DLG2: variants seen among roughly 807,000 people sequenced by gnomAD.
The protein encoded by DLG2 is discs large MAGUK scaffold protein 2.
A neutral mutation model predicts 132.5 loss-of-function variants in DLG2; 45 were observed. The observed-to-expected ratio is 0.34, with a 90% CI of 0.27 to 0.44. The LOEUF is 0.44. Among genes scored for constraint, DLG2 ranks in the 20% least tolerant of loss-of-function variants. The pLI, the probability that DLG2 is intolerant of heterozygous loss-of-function variation, is 1.00. For missense variants in DLG2, 1,045 were observed against 1,196.9 expected (o/e 0.87, Z 1.87); for synonymous variants, 424 against 419.6 (o/e 1.01, Z -0.13).
At chr11:83,569,989 A>C (rs2096771695) in intron 19 of DLG2, among the ~76,000 whole-genome samples, 1 of 152,212 alleles carries the variant, frequency 6.6e-6, no homozygotes, top group African/African-American at 2.4e-5. Context: ...ATGAAAAGAG[A>C]GAATGAGCTA....
intron 6 of DLG2, among the ~76,000 whole-genome samples, chr11:84,864,775 C>T (rs1001903554): frequency 7.2e-5 from 11 of 152,014 alleles, no homozygotes; most frequent in East Asian, 1.9e-4. Context: ...TTATACTACC[C>T]GGGAAGGTCG....
intron 6 of DLG2, among the ~76,000 whole-genome samples, chr11:84,678,600 A>C (rs1010844071): frequency 2.2e-4 from 33 of 152,126 alleles, no homozygotes; most frequent in African/African-American, 8.0e-4. Context: ...ATGAAGCTTA[A>C]CTAAGATCAC....
At chr11:85,392,293 C>A (rs1055359624) in intron 3 of DLG2, among the ~76,000 whole-genome samples, 9 of 151,870 alleles carry the variant, frequency 5.9e-5, no homozygotes. Context: ...ATATATGACA[C>A]AAACAAATGG....
intron 19 of DLG2, among the ~76,000 whole-genome samples, chr11:83,567,845 G>C (rs201083792): frequency 2.6e-5 from 4 of 152,094 alleles, no homozygotes; most frequent in Non-Finnish European, 5.9e-5. Context: ...GATATGGCTA[G>C]ATAAGGATCA....
intron 3 of DLG2, among the ~76,000 whole-genome samples, chr11:85,427,500 T>C (rs770349906): frequency 2.6e-4 from 39 of 152,282 alleles, no homozygotes; most frequent in Non-Finnish European, 4.4e-4. Context: ...GAATTTTCAA[T>C]CCAGAATTTC....
chr11:84,670,684 G>C (rs898446825), intron 6 of DLG2, among the ~76,000 whole-genome samples: 7 of 152,108 alleles, frequency 4.6e-5, no homozygotes, highest in Non-Finnish European at 8.8e-5. Context: ...TACAGATGAG[G>C]AAACAGCTTC....
chr11:84,099,014 C>A lies in DLG2; in HGVS notation c.658G>T (p.Gly220Trp). Residue 220 changes from glycine (G) to tryptophan (W), a missense_variant, in exon 10 of 28, where the codon GGG becomes TGG. Gly to Trp is a radical substitution (Grantham distance 184). Transcript: ENST00000376104. Reference protein sequence around the residue: ...NSGLGFSIAGGTDNPHIGDDP... With the variant: ...NSGLGFSIAGWTDNPHIGDDP... ...TCTCCAATGTGGGGATTATCTGTCC[C>A]CCCAGCAATACTGAATCCCAGGCCA... is the stretch of plus-strand genomic sequence containing the variant. 6.2e-7 allele frequency: 1 copy of A among 1,613,300 alleles called. No individual in the cohort carries two copies. Among genetic ancestry groups the A allele is most frequent in the Non-Finnish European group, 8.5e-7 (1 of 1,179,444 alleles).
chr11:85,323,773 A>G (rs1266956136), intron 3 of DLG2, among the ~76,000 whole-genome samples: 1 of 152,230 alleles, frequency 6.6e-6, no homozygotes, highest in Non-Finnish European at 1.5e-5. Flanking sequence ...TCTGTGTCTG[A>G]CTTCTTTCAC....
At chr11:83,814,031 G>T (rs900021762) in intron 17 of DLG2, among the ~76,000 whole-genome samples, 2 of 151,974 alleles carry the variant, frequency 1.3e-5, no homozygotes, top group Non-Finnish European at 1.5e-5. Flanking sequence ...TTTTTACATT[G>T]TAGAGAAAGT....
chr11:85,279,203 C>T (rs187587788), intron 4 of DLG2, among the ~76,000 whole-genome samples: 4 of 152,006 alleles, frequency 2.6e-5, no homozygotes, highest in South Asian at 2.1e-4. Context: ...TAAAGATAGC[C>T]GGGCAGAGCT....
Position 85,488,401 on chromosome 11 carries a change from C to A in DLG2, c.40+110256G>T, listed in dbSNP as rs1049505046. Reference sequence around the variant, plus strand: ...GAGACTGCGTCTAAAAAAAAAAAAACAACAACAACAACCACAACAAAAAGT... The same window carrying A: ...GAGACTGCGTCTAAAAAAAAAAAAAAAACAACAACAACCACAACAAAAAGT... On this transcript the variant is annotated intron_variant, in intron 3 of 27. Transcript: ENST00000376104. Among the ~76,000 whole-genome samples, 39 of 149,716 alleles carry A rather than the reference C, an allele frequency of 2.6e-4. No individual in the cohort carries two copies. In the East Asian group the frequency reaches 2.9e-3, roughly 11 times the overall value.
intron 6 of DLG2, among the ~76,000 whole-genome samples, chr11:84,702,809 C>T (rs2059346230): frequency 6.6e-6 from 1 of 151,692 alleles, no homozygotes; most frequent in Non-Finnish European, 1.5e-5. Flanking sequence ...ATACTATAAA[C>T]TCCATGAAGG....
intron 4 of DLG2, among the ~76,000 whole-genome samples, chr11:85,164,493 C>A (rs2078280340): frequency 6.6e-6 from 1 of 152,108 alleles, no homozygotes; most frequent in South Asian, 2.1e-4. Flanking sequence ...TTACTTCATC[C>A]CCTGATAACT....
chr11:85,572,381 A>G (rs2077894342), intron 3 of DLG2, among the ~76,000 whole-genome samples: 1 of 152,174 alleles, frequency 6.6e-6, no homozygotes, highest in African/African-American at 2.4e-5. Context: ...GATGGCACTC[A>G]ATGAAAATTA....
At chr11:83,730,283 A>G (rs1233834291) in intron 18 of DLG2, among the ~76,000 whole-genome samples, 1 of 151,850 alleles carries the variant, frequency 6.6e-6, no homozygotes, top group East Asian at 1.9e-4. Flanking sequence ...ATAACTCCTT[A>G]AAATTTCACT....
chr11:83,965,885 T>C (rs1371481404), intron 12 of DLG2, among the ~76,000 whole-genome samples: 3 of 152,038 alleles, frequency 2.0e-5, no homozygotes, highest in African/African-American at 4.8e-5. Flanking sequence ...ATTATACACA[T>C]TGTTTTGGAA....
chr11:83,489,431 G>A (rs931058027), intron 21 of DLG2, among the ~76,000 whole-genome samples: 1 of 151,930 alleles, frequency 6.6e-6, no homozygotes. Context: ...GGATCAACCA[G>A]TTACAATGTA....
intron 7 of DLG2, among the ~76,000 whole-genome samples, chr11:84,405,410 C>G (rs1222980427): frequency 2.0e-5 from 3 of 152,164 alleles, no homozygotes; most frequent in African/African-American, 7.2e-5. Flanking sequence ...TCACTTCTGT[C>G]TTCCGTACCA....
chr11:85,414,216 TA>T (rs1207025736), intron 3 of DLG2, among the ~76,000 whole-genome samples: 5 of 152,078 alleles, frequency 3.3e-5, no homozygotes, highest in Admixed American at 2.0e-4. Flanking sequence ...TGTTGGTGTA[TA>T]AAAGAGCTAC....
Sources: gnomAD v4.1 joint callset for allele counts (sites outside exome capture counted in the v4.1 genomes callset) on GRCh38, gnomAD v4.1.1 for gene constraint, MANE v1.5 for transcripts, NCBI Gene and HGNC (gene_info 2026-07-23, HGNC 2026-07-21) for gene names.